SORCS1: variants seen among roughly 807,000 people sequenced by gnomAD.
SORCS1 encodes the protein sortilin related VPS10 domain containing receptor 1, also known as VPS10 domain-containing receptor SorCS1.
SORCS1 carries 60 observed loss-of-function variants against 146.1 expected under a neutral mutation model. The observed-to-expected ratio is 0.41, with a 90% CI of 0.33 to 0.51. The LOEUF is 0.51. Ranked by LOEUF, SORCS1 falls within the 20% of genes least tolerant of loss-of-function variation. The pLI, the probability that SORCS1 is intolerant of heterozygous loss-of-function variation, is 0.21. For missense variants in SORCS1, 1,352 were observed against 1,487.6 expected, an observed-to-expected ratio of 0.91 and a Z score of 1.50; for synonymous variants, 637 against 584.0, an observed-to-expected ratio of 1.09 and a Z score of -1.31.
intron 4 of SORCS1, among the ~76,000 whole-genome samples, chr10:106,769,307 A>C (rs528285862): frequency 3.6e-4 from 55 of 152,112 alleles, no homozygotes; most frequent in Non-Finnish European, 7.2e-4. Context: ...AACACAGTGA[A>C]GCCCCGTCTC....
At chr10:106,851,525 C>T (rs746467914) in intron 2 of SORCS1, among the ~76,000 whole-genome samples, 1 of 152,146 alleles carries the variant, frequency 6.6e-6, no homozygotes, top group Non-Finnish European at 1.5e-5. Context: ...TTATATTGTT[C>T]TATGTCTGGG....
chr10:107,032,074 A>G (rs1958680290), intron 1 of SORCS1, among the ~76,000 whole-genome samples: 1 of 152,214 alleles, frequency 6.6e-6, no homozygotes, highest in Non-Finnish European at 1.5e-5. Context: ...GATAGAGCCA[A>G]GAACAGACAG....
At chr10:107,136,957 G>C (rs1967353810) in intron 1 of SORCS1, among the ~76,000 whole-genome samples, 1 of 152,166 alleles carries the variant, frequency 6.6e-6, no homozygotes, top group East Asian at 1.9e-4. Flanking sequence ...ATCTTCTACA[G>C]ATGTAAGGCC....
chr10:106,636,141 T>A (rs533009702), intron 18 of SORCS1, among the ~76,000 whole-genome samples: 11 of 152,052 alleles, frequency 7.2e-5, no homozygotes, highest in African/African-American at 2.4e-4. Context: ...ATGACTATAG[T>A]CTCAGCACTT....
rs570002398 is a variant in SORCS1, at chr10:106,911,069, T to C, written c.626+45444A>G. On this transcript the variant is annotated intron_variant, in intron 2 of 25. Coordinates refer to ENST00000263054, the MANE Select transcript of SORCS1 (RefSeq NM_052918.5). ...TCACTTAAACTCTCTAAGCTCCAGG[T>C]GCTTCATTTGGACCAGTTCACAGAT... Among the ~76,000 whole-genome samples, 145 of 152,358 alleles carry C rather than the reference T, an allele frequency of 9.5e-4. 2 individuals carry two copies. The South Asian group carries it at 0.029, about 30-fold the overall frequency.
chr10:106,701,069 C>T (rs1854104112), intron 8 of SORCS1, among the ~76,000 whole-genome samples: 1 of 152,142 alleles, frequency 6.6e-6, no homozygotes. Context: ...TTGCATGTAA[C>T]CTATGCACAT....
intron 2 of SORCS1, among the ~76,000 whole-genome samples, chr10:106,916,707 G>C (rs1008261132): frequency 6.6e-6 from 1 of 150,470 alleles, no homozygotes; most frequent in African/African-American, 2.4e-5. Context: ...TCTACATAAA[G>C]TTGCTTATAT....
chr10:106,599,745 C>T (rs1341529905), intron 23 of SORCS1, among the ~76,000 whole-genome samples: 2 of 151,770 alleles, frequency 1.3e-5, no homozygotes, highest in Non-Finnish European at 2.9e-5. Flanking sequence ...CCAGGTGAAG[C>T]CATATTTCTT....
chr10:106,932,500 T>C (rs1953471558), intron 2 of SORCS1, among the ~76,000 whole-genome samples: 1 of 152,158 alleles, frequency 6.6e-6, no homozygotes, highest in South Asian at 2.1e-4. Context: ...GTGATCTTTC[T>C]CCCCAGTTCC....
At chr10:106,911,158 T>C (rs1162264957) in intron 2 of SORCS1, among the ~76,000 whole-genome samples, 2 of 152,216 alleles carry the variant, frequency 1.3e-5, no homozygotes, top group Non-Finnish European at 1.5e-5. Flanking sequence ...AAGCATGGTG[T>C]TAATTTTCAG....
At chr10:106,745,185 G>GA (rs1857635590) in intron 5 of SORCS1, among the ~76,000 whole-genome samples, 1 of 152,002 alleles carries the variant, frequency 6.6e-6, no homozygotes, top group Non-Finnish European at 1.5e-5. Context: ...TTGGGAGGCC[G>GA]GGCAGACCAA....
At chr10:106,979,416 A>G (rs1475943346) in intron 1 of SORCS1, among the ~76,000 whole-genome samples, 1 of 152,186 alleles carries the variant, frequency 6.6e-6, no homozygotes, top group Non-Finnish European at 1.5e-5. Flanking sequence ...ATATTGTATC[A>G]GATGAACTGA....
chr10:107,175,549 T>C, the SORCS1 span, among the ~76,000 whole-genome samples: 103 of 152,256 alleles, frequency 6.8e-4, no homozygotes, highest in African/African-American at 2.4e-3. Context: ...GTGATTCTCT[T>C]GTCAGCTTCC....
chr10:106,810,574 C>G (rs1396273900), intron 3 of SORCS1, among the ~76,000 whole-genome samples: 2 of 152,126 alleles, frequency 1.3e-5, no homozygotes, highest in Admixed American at 1.3e-4. Flanking sequence ...CAAGAAGCTC[C>G]CCTCCCTGGG....
chr10:107,150,635 A>C (rs1041758498), intron 1 of SORCS1, among the ~76,000 whole-genome samples: 1 of 152,142 alleles, frequency 6.6e-6, no homozygotes, highest in African/African-American at 2.4e-5. Context: ...CTCCATCCAA[A>C]TCTCATCTTC....
intron 1 of SORCS1, among the ~76,000 whole-genome samples, chr10:107,094,747 G>A (rs2134335379): frequency 6.6e-6 from 1 of 152,296 alleles, no homozygotes; most frequent in African/African-American, 2.4e-5. Context: ...TAAAGATATA[G>A]TTTGCCAGAC....
intron 1 of SORCS1, among the ~76,000 whole-genome samples, chr10:107,159,260 C>T (rs1969527877): frequency 6.6e-6 from 1 of 152,150 alleles, no homozygotes; most frequent in Non-Finnish European, 1.5e-5. Context: ...ATTTCTACAT[C>T]CCCAACACTC....
At chr10:106,941,819 G>A (rs527236558) in intron 2 of SORCS1, among the ~76,000 whole-genome samples, 3 of 152,346 alleles carry the variant, frequency 2.0e-5, no homozygotes, top group Admixed American at 6.5e-5. Flanking sequence ...ATATCTGAGC[G>A]ACTCACTCTG....
intron 2 of SORCS1, among the ~76,000 whole-genome samples, chr10:106,860,051 G>T (rs181009314): frequency 6.6e-6 from 1 of 152,314 alleles, no homozygotes; most frequent in Non-Finnish European, 1.5e-5. Flanking sequence ...GGGTTTGGGA[G>T]CAAGAAAACT....
Sources: gnomAD v4.1 joint callset for allele counts (sites outside exome capture counted in the v4.1 genomes callset) on GRCh38, gnomAD v4.1.1 for gene constraint, MANE v1.5 for transcripts, NCBI Gene and HGNC (gene_info 2026-07-23, HGNC 2026-07-21) for gene names.